PTPRD: variants seen among roughly 807,000 people sequenced by gnomAD.
PTPRD encodes receptor-type tyrosine-protein phosphatase delta.
A neutral mutation model predicts 214.5 loss-of-function variants in PTPRD; 34 were observed. That is an observed-to-expected ratio of 0.16 (90% confidence interval 0.12 to 0.21). PTPRD has a LOEUF of 0.21. PTPRD is among the 10% of genes least tolerant of loss of function. The pLI is 1.00. For missense variants in PTPRD, 2,545 were observed against 2,398.7 expected (o/e 1.06, Z -1.27); for synonymous variants, 1,128 against 845.7 (o/e 1.33, Z -5.79).
At chr9:9,712,349 T>G (rs1411505410) in intron 7 of PTPRD, among the ~76,000 whole-genome samples, 2 of 152,092 alleles carry the variant, frequency 1.3e-5, no homozygotes, top group Non-Finnish European at 2.9e-5. Context: ...GACACAGTGA[T>G]AGGCTGACAA....
chr9:8,390,618 T>C (rs570417687), intron 36 of PTPRD, among the ~76,000 whole-genome samples: 9 of 152,182 alleles, frequency 5.9e-5, no homozygotes, highest in Non-Finnish European at 1.0e-4. Flanking sequence ...AAAGAGTAAA[T>C]AATTTTCCCC....
intron 11 of PTPRD, among the ~76,000 whole-genome samples, chr9:8,739,167 G>A (rs187144094): frequency 1.3e-5 from 2 of 152,298 alleles, no homozygotes; most frequent in Admixed American, 1.3e-4. Flanking sequence ...GGAGCCTACA[G>A]CAAACCTGAC....
chr9:9,478,201 C>T (rs567806522), intron 8 of PTPRD, among the ~76,000 whole-genome samples: 2 of 152,078 alleles, frequency 1.3e-5, no homozygotes, highest in South Asian at 2.1e-4. Context: ...CATTTGTGCC[C>T]GGGTCTTTCT....
rs545061028 is a variant in PTPRD, at chr9:8,815,341, C to T, written c.-103-81395G>A. ...GAAACATACATTTTCCAAAATAATC[C>T]ACAAAATCCAAAATACACAAAAATA... On this transcript the variant is annotated intron_variant, in intron 11 of 45. Transcript: ENST00000381196. Among the ~76,000 whole-genome samples the T allele has an allele frequency of 3.3e-5, 5 of 152,112 alleles. No individual in the cohort carries two copies. In the South Asian group the frequency reaches 1.0e-3, roughly 32 times the overall value.
At chr9:8,476,728 T>C (rs1256059511) in intron 30 of PTPRD, among the ~76,000 whole-genome samples, 5 of 152,172 alleles carry the variant, frequency 3.3e-5, no homozygotes, top group African/African-American at 1.2e-4. Context: ...CAACATTTGC[T>C]TAACTTTGCT....
At chr9:9,055,162 CAT>C (rs2099693891) in intron 10 of PTPRD, among the ~76,000 whole-genome samples, 1 of 152,084 alleles carries the variant, frequency 6.6e-6, no homozygotes. Context: ...GACAAACCCT[CAT>C]ATGATATACA....
chr9:9,597,963 T>C (rs1283039357), intron 7 of PTPRD, among the ~76,000 whole-genome samples: 1 of 152,058 alleles, frequency 6.6e-6, no homozygotes, highest in African/African-American at 2.4e-5. Context: ...TTTTTCATCA[T>C]CACTACATTA....
At chr9:9,481,855 A>T (rs967336003) in intron 8 of PTPRD, among the ~76,000 whole-genome samples, 6 of 152,328 alleles carry the variant, frequency 3.9e-5, no homozygotes, top group South Asian at 2.1e-4. Context: ...GCAGTTATCT[A>T]AAGAAATACT....
intron 7 of PTPRD, among the ~76,000 whole-genome samples, chr9:9,576,714 A>T (rs1197015835): frequency 2.0e-5 from 3 of 152,216 alleles, no homozygotes; most frequent in Non-Finnish European, 4.4e-5. Context: ...TTGGATACAC[A>T]AATTAGAAGT....
intron 2 of PTPRD, among the ~76,000 whole-genome samples, chr9:10,460,415 T>A (rs944580724): frequency 1.3e-5 from 2 of 150,848 alleles, no homozygotes; most frequent in Non-Finnish European, 3.0e-5. Flanking sequence ...AGATCTTGAA[T>A]AGCCAAAACA....
Position 9,250,181 on chromosome 9 carries a change from T to C in PTPRD, c.-202-66818A>G, listed in dbSNP as rs546149040. 1.4e-4 allele frequency among the ~76,000 whole-genome samples: 21 copies of C among 152,190 alleles called. 1 individual carries two copies. Among genetic ancestry groups the C allele is most frequent in the East Asian group, 1.4e-3 (7 of 5,138 alleles). On this transcript the variant is annotated intron_variant, in intron 9 of 45. Coordinates refer to ENST00000381196, the MANE Select transcript of PTPRD (RefSeq NM_002839.4). Reference sequence around the variant, plus strand: ...TGTTGAGTTGACATCCTTACACTTATAGAAGCTCCAGAGCACTGGCCCTGA... The same window carrying C: ...TGTTGAGTTGACATCCTTACACTTACAGAAGCTCCAGAGCACTGGCCCTGA...
Position 9,147,324 on chromosome 9 carries a change from G to A in PTPRD, c.-143+35980C>T, listed in dbSNP as rs1006248498. 3.4e-4 allele frequency among the ~76,000 whole-genome samples: 52 copies of A among 151,698 alleles called. 1 individual carries two copies. Among genetic ancestry groups the A allele is most frequent in the African/African-American group, 1.1e-3 (47 of 41,378 alleles). On this transcript the variant is annotated intron_variant, in intron 10 of 45. Coordinates refer to ENST00000381196, the MANE Select transcript of PTPRD (RefSeq NM_002839.4). ...TTTGCAGTAAAAATGAGTTTCCTGG[G>A]GTGGGGGAGGGGATTAATACTGTTA... is the stretch of plus-strand genomic sequence containing the variant.
At chr9:10,158,756 G>A (rs547597509) in intron 3 of PTPRD, among the ~76,000 whole-genome samples, 62 of 152,154 alleles carry the variant, frequency 4.1e-4, no homozygotes, top group Non-Finnish European at 1.8e-4. Flanking sequence ...TCTCTACACC[G>A]TTAAAAATGA....
intron 44 of PTPRD, among the ~76,000 whole-genome samples, chr9:8,324,242 C>T (rs935815582): frequency 1.3e-5 from 2 of 151,930 alleles, no homozygotes; most frequent in Non-Finnish European, 2.9e-5. Context: ...TGATGCTATC[C>T]CTCCCCCAGG....
intron 7 of PTPRD, among the ~76,000 whole-genome samples, chr9:9,649,987 T>C (rs2096292252): frequency 6.6e-6 from 1 of 152,114 alleles, no homozygotes; most frequent in Non-Finnish European, 1.5e-5. Flanking sequence ...AATGAAAGCA[T>C]GCCAGGGGTA....
chr9:9,448,587 T>G (rs2145038664), intron 8 of PTPRD, among the ~76,000 whole-genome samples: 1 of 152,186 alleles, frequency 6.6e-6, no homozygotes, highest in African/African-American at 2.4e-5. Flanking sequence ...AACCCAGTCT[T>G]TGTATTTCTT....
At chr9:9,908,971 C>A (rs1275894331) in intron 5 of PTPRD, among the ~76,000 whole-genome samples, 1 of 151,836 alleles carries the variant, frequency 6.6e-6, no homozygotes, top group East Asian at 1.9e-4. Flanking sequence ...TATTATATAG[C>A]AAGTGGTTTA....
chr9:10,334,988 C>T (rs866178924), intron 3 of PTPRD, among the ~76,000 whole-genome samples: 1 of 151,670 alleles, frequency 6.6e-6, no homozygotes. Context: ...AACAAGAAGA[C>T]TCAATGTCAA....
chr9:10,327,320 C>G (rs1342231536), intron 3 of PTPRD, among the ~76,000 whole-genome samples: 1 of 151,008 alleles, frequency 6.6e-6, no homozygotes, highest in East Asian at 2.0e-4. Context: ...GTTGATTTAT[C>G]TAATAGAAAC....
Sources: allele counts gnomAD v4.1 joint callset (sites outside exome capture counted in the v4.1 genomes callset), GRCh38; gene constraint gnomAD v4.1.1; transcripts MANE v1.5; gene names NCBI Gene and HGNC (gene_info 2026-07-23, HGNC 2026-07-21).